Variants in AADAT observed in about 807,000 individuals in gnomAD.
AADAT encodes kynurenine/alpha-aminoadipate aminotransferase, mitochondrial.
AADAT carries 25 observed loss-of-function variants against 56.2 expected under a neutral mutation model. The ratio of observed to expected loss-of-function variants is 0.44; its 90% CI spans 0.32 to 0.62. The LOEUF (loss-of-function observed/expected upper bound fraction) is 0.62, where lower values mean the gene tolerates loss of function less well. Ranked by LOEUF, AADAT falls within the 20% of genes least tolerant of loss-of-function variation. The pLI is 0.04. For synonymous variants in AADAT, 173 were observed against 164.7 expected (o/e 1.05, Z -0.39); for missense variants, 387 against 510.5 (o/e 0.76, Z 2.33).
intron 11 of AADAT, among the ~76,000 whole-genome samples, chr4:170,062,378 A>C (rs1291337048): frequency 6.6e-6 from 1 of 152,238 alleles, no homozygotes; most frequent in African/African-American, 2.4e-5. Flanking sequence ...TAAGTCTGAA[A>C]GTTACTTTTA....
At chr4:170,084,250 G>A (rs757905485) in intron 3 of AADAT, among the ~76,000 whole-genome samples, 17 of 152,034 alleles carry the variant, frequency 1.1e-4, no homozygotes, top group Non-Finnish European at 2.5e-4. Context: ...GAGGGAGATA[G>A]GGTGAAGGAA....
chr4:170,070,802 G>A, intron 5 of AADAT, 150 bp from the exon 6 acceptor site: 1 of 578,942 alleles, frequency 1.7e-6, no homozygotes, highest in Non-Finnish European at 3.0e-6. Context: ...ATAAAAAGAG[G>A]AACAAGGCAT....
chr4:170,078,594 A>C lies in AADAT; in HGVS notation c.370-11T>G, dbSNP rs537855564. The C allele has an allele frequency of 5.7e-5, 91 of 1,593,608 alleles. No homozygotes were observed. Among genetic ancestry groups the C allele is most frequent in the East Asian group, 9.0e-5 (4 of 44,282 alleles). Reference sequence around the variant, plus strand: ...GATCATTTCAAACACCTAACAAAAGAAGCATAGGTTAGCTTGTTAGTCAGC... The same window carrying C: ...GATCATTTCAAACACCTAACAAAAGCAGCATAGGTTAGCTTGTTAGTCAGC... On this transcript the variant is annotated splice_polypyrimidine_tract_variant and intron_variant, in intron 3 of 12. Transcript: ENST00000337664.
At chr4:170,076,689 A>G (rs1241931658) in intron 4 of AADAT, among the ~76,000 whole-genome samples, 14 of 152,242 alleles carry the variant, frequency 9.2e-5, no homozygotes, top group African/African-American at 3.1e-4. Context: ...TGTTTTCATA[A>G]TGTCCTTTGA....
upstream of AADAT, among the ~76,000 whole-genome samples, chr4:170,092,273 G>A (rs1008962393): frequency 9.9e-5 from 15 of 152,230 alleles, no homozygotes; most frequent in African/African-American, 2.9e-4. Flanking sequence ...TTTATGAGTT[G>A]TAACACTCAC....
At chr4:170,091,193 C>T (rs115654486), upstream of AADAT, among the ~76,000 whole-genome samples, 6,528 of 152,252 alleles carry the variant, frequency 0.043, 468 homozygotes, top group African/African-American at 0.15. Flanking sequence ...ATAGCGGAGG[C>T]CGGAGCCGGC....
intron 4 of AADAT, 63 bp downstream of exon 4, chr4:170,078,446 T>G: frequency 1.1e-6 from 1 of 929,782 alleles, no homozygotes; most frequent in Non-Finnish European, 1.6e-6. Context: ...TATAAAACCT[T>G]TATTATAAGT....
chr4:170,061,122 G>A (rs925758814), intron 12 of AADAT, among the ~76,000 whole-genome samples, 153 bp from the exon 13 acceptor site: 7 of 152,148 alleles, frequency 4.6e-5, no homozygotes, highest in Non-Finnish European at 1.5e-5. Context: ...ATCTGTGCAG[G>A]ATGCCATCAA....
In AADAT at chr4:170,060,597, A is replaced by T. The variant is rs1006137757; in HGVS notation, c.*331T>A. ...ATCTGATGAATTTAGAGGCACTTTA[A>T]AAGGTGTCTAGTTGAACTACTACAG... On this transcript the variant is annotated 3_prime_UTR_variant, in exon 13 of 13. Transcript: ENST00000337664. The T allele has an allele frequency of 5.2e-6, 1 of 191,272 alleles. No individual in the cohort carries two copies. Among genetic ancestry groups the T allele is most frequent in the African/African-American group, 2.3e-5 (1 of 43,182 alleles). The allele number at this position is 191,272 out of a possible 1,614,324, so 11.8% of individuals were successfully genotyped here. A position where few individuals can be genotyped will look rare whatever the true frequency, so the allele number is the denominator to read the frequency against.
chr4:170,089,804 G>C lies in AADAT; in HGVS notation c.-114C>G. 1 of 1,072,014 alleles carries C rather than the reference G, an allele frequency of 9.3e-7. No homozygotes were observed. Among genetic ancestry groups the C allele is most frequent in the South Asian group, 1.4e-5 (1 of 69,900 alleles). The allele number at this position is 1,072,014 out of a possible 1,614,324, so 66.4% of individuals were successfully genotyped here. A position where few individuals can be genotyped will look rare whatever the true frequency, so the allele number is the denominator to read the frequency against. ...CCTCACTCTGGCAACGCCACCGCGA[G>C]ATGTGTCCCCCCGCTGCGTCTGGCT... On this transcript the variant is annotated 5_prime_UTR_variant, in exon 1 of 13. In the 5' UTR this introduces an upstream ATG that the reference lacks. Coordinates refer to ENST00000337664, the MANE Select transcript of AADAT (RefSeq NM_016228.4).
At chr4:170,061,558 A>G (rs1731191070) in intron 12 of AADAT, among the ~76,000 whole-genome samples, 1 of 152,204 alleles carries the variant, frequency 6.6e-6, no homozygotes, top group Non-Finnish European at 1.5e-5. Flanking sequence ...AGAAAGTGAC[A>G]GCCATCATGA....
intron 4 of AADAT, 23 bp downstream of exon 4, chr4:170,078,486 C>T (rs752257750): frequency 1.5e-5 from 22 of 1,498,038 alleles, no homozygotes; most frequent in African/African-American, 1.2e-4. Flanking sequence ...AGAGAGTTGC[C>T]TTTAGTAAAA....
intron 4 of AADAT, 94 bp from the exon 5 acceptor site, chr4:170,073,439 T>A: frequency 1.9e-6 from 2 of 1,071,988 alleles, no homozygotes; most frequent in South Asian, 3.3e-5. Flanking sequence ...AACTTGCTCA[T>A]TCATACCCTT....
chr4:170,092,550 G>C (rs960234578), upstream of AADAT, among the ~76,000 whole-genome samples: 4 of 152,186 alleles, frequency 2.6e-5, no homozygotes, highest in African/African-American at 9.7e-5. Context: ...CTTGATGTCA[G>C]TGAGACCAAA....
rs1187099207 is a variant in AADAT at position 170,066,872 on chromosome 4, T to C, written c.963-394A>G. On this transcript the variant is annotated intron_variant, in intron 9 of 12. Transcript: ENST00000337664. ...CCCCATTCCTCCTTATTTCTAAATG[T>C]CCTAGGAGGTACCATATTTACACAG... 2.0e-5 allele frequency among the ~76,000 whole-genome samples: 3 copies of C among 152,178 alleles called. No individual in the cohort carries two copies. The East Asian group carries it at 5.8e-4, about 29-fold the overall frequency.
chr4:170,087,220 G>C lies in AADAT; in HGVS notation c.265C>G (p.Gln89Glu). 1 of 1,613,822 alleles carries C rather than the reference G, an allele frequency of 6.2e-7. No individual in the cohort carries two copies. Among genetic ancestry groups the C allele is most frequent in the Non-Finnish European group, 8.5e-7 (1 of 1,179,942 alleles). Reference protein sequence around the residue: ...GIPELLSWLKQLQIKLHNPPT... With the variant: ...GIPELLSWLKELQIKLHNPPT... ...GGATTATGCAATTTTATTTGTAACT[G>C]TTTTAGCCAGGACAAAAGCTCTGGA... Residue 89 changes from glutamine to glutamate, a missense_variant, in exon 3 of 13, where the codon CAG becomes GAG. By Grantham distance (29) the Gln-to-Glu change is conservative. Coordinates refer to ENST00000337664, the MANE Select transcript of AADAT (RefSeq NM_016228.4).
chr4:170,085,160 ATG>A (rs1732495115), intron 3 of AADAT, among the ~76,000 whole-genome samples: 1 of 152,224 alleles, frequency 6.6e-6, no homozygotes, highest in Non-Finnish European at 1.5e-5. Flanking sequence ...AATATAAAAT[ATG>A]TGTTAATTGA....
chr4:170,069,051 C>T, intron 7 of AADAT, 97 bp downstream of exon 7: 1 of 1,004,618 alleles, frequency 1.0e-6, no homozygotes, highest in Non-Finnish European at 1.5e-6. Flanking sequence ...AGACTACAAG[C>T]ATTTTAAGTG....
intron 6 of AADAT, 148 bp downstream of exon 6, chr4:170,070,439 A>C: frequency 1.7e-6 from 1 of 580,510 alleles, no homozygotes; most frequent in Non-Finnish European, 3.0e-6. Context: ...CTGAAAAGTA[A>C]AGTAGTAGCA....
Sources: allele counts gnomAD v4.1 joint callset (sites outside exome capture counted in the v4.1 genomes callset), GRCh38; gene constraint gnomAD v4.1.1; transcripts MANE v1.5; gene names NCBI Gene and HGNC (gene_info 2026-07-23, HGNC 2026-07-21).